The following CLSTN2 variants were observed in gnomAD, a reference collection of about 807,000 sequenced individuals.
CLSTN2 encodes the protein calsyntenin 2.
In CLSTN2, 48 loss-of-function variants were observed where a neutral mutation model predicts 101.2. The ratio of observed to expected loss-of-function variants is 0.47; its 90% CI spans 0.38 to 0.60. The LOEUF (loss-of-function observed/expected upper bound fraction) is 0.60, where lower values mean the gene tolerates loss of function less well. Ranked by LOEUF, CLSTN2 falls within the 20% of genes least tolerant of loss-of-function variation. CLSTN2 has a pLI of 0.00. For missense variants in CLSTN2, 1,160 were observed against 1,238.2 expected, an observed-to-expected ratio of 0.94 and a Z score of 0.95; for synonymous variants, 481 against 463.6, an observed-to-expected ratio of 1.04 and a Z score of -0.48.
At chr3:140,415,486 CAAA>C (rs751616049) in intron 4 of CLSTN2, among the ~76,000 whole-genome samples, 5 of 56,874 alleles carry the variant, frequency 8.8e-5, no homozygotes, top group East Asian at 6.3e-4. Flanking sequence ...CACAAAATAG[CAAA>C]AAAAAAAAAA....
intron 8 of CLSTN2, among the ~76,000 whole-genome samples, chr3:140,469,510 C>T (rs1408320697): frequency 1.3e-5 from 2 of 152,134 alleles, no homozygotes; most frequent in Non-Finnish European, 2.9e-5. Context: ...AATGTGCATA[C>T]CTAGTAAGGT....
At chr3:140,414,579 G>A (rs945948931) in intron 4 of CLSTN2, among the ~76,000 whole-genome samples, 4 of 151,964 alleles carry the variant, frequency 2.6e-5, no homozygotes, top group Non-Finnish European at 5.9e-5. Context: ...AAAAGGATGA[G>A]AAGTGGGAAG....
intron 2 of CLSTN2, among the ~76,000 whole-genome samples, chr3:140,232,916 C>T (rs2086383512): frequency 6.6e-6 from 1 of 152,146 alleles, no homozygotes; most frequent in Admixed American, 6.5e-5. Context: ...CTGCCAGAGC[C>T]TGCTGACTGA....
intron 5 of CLSTN2, among the ~76,000 whole-genome samples, chr3:140,442,304 C>A (rs1308282552): frequency 2.6e-5 from 4 of 152,176 alleles, no homozygotes; most frequent in African/African-American, 9.7e-5. Context: ...CTAATCACCC[C>A]AGGGTCAGGT....
At chr3:140,318,088 A>T (rs1346265671) in intron 2 of CLSTN2, among the ~76,000 whole-genome samples, 1 of 152,220 alleles carries the variant, frequency 6.6e-6, no homozygotes. Context: ...TGACATGTCC[A>T]AAATAGCTCA....
At chr3:140,556,941 G>A (rs1193567909) in intron 11 of CLSTN2, 1 of 369,250 alleles carries the variant, frequency 2.7e-6, no homozygotes, top group African/African-American at 2.1e-5. Flanking sequence ...CAGAGAGCTA[G>A]GAATTTGAAG....
intron 2 of CLSTN2, among the ~76,000 whole-genome samples, chr3:140,381,987 G>T (rs1450632673): frequency 6.6e-6 from 1 of 152,148 alleles, no homozygotes; most frequent in African/African-American, 2.4e-5. Context: ...TCTATGTCCA[G>T]ATTCCCTTTC....
chr3:140,411,731 A>G (rs1045001782), intron 4 of CLSTN2, among the ~76,000 whole-genome samples: 2 of 152,250 alleles, frequency 1.3e-5, no homozygotes, highest in Non-Finnish European at 2.9e-5. Context: ...AGCAACCACC[A>G]GAAGCTCAGA....
At chr3:140,324,218 G>A (rs553914070) in intron 2 of CLSTN2, among the ~76,000 whole-genome samples, 26 of 152,202 alleles carry the variant, frequency 1.7e-4, no homozygotes, top group Non-Finnish European at 2.9e-4. Context: ...AAATTGTCAT[G>A]CTTAGCAATC....
intron 1 of CLSTN2, among the ~76,000 whole-genome samples, chr3:140,090,186 G>C (rs932164163): frequency 2.0e-5 from 3 of 150,734 alleles, no homozygotes; most frequent in Non-Finnish European, 4.4e-5. Context: ...CGGCTGAAGG[G>C]GGGTTATCTT....
chr3:140,528,164 G>A (rs1189316984), intron 8 of CLSTN2, among the ~76,000 whole-genome samples: 1 of 152,074 alleles, frequency 6.6e-6, no homozygotes, highest in Non-Finnish European at 1.5e-5. Context: ...TAGGGTTGTG[G>A]TGAAGATTAA....
intron 1 of CLSTN2, among the ~76,000 whole-genome samples, chr3:140,153,086 A>G (rs6791658): frequency 0.87 from 132,987 of 152,160 alleles, 58,316 homozygotes; most frequent in East Asian, 0.95. Flanking sequence ...ACAGTGTGGG[A>G]CTTGTTAAAC....
At chr3:139,968,438 A>C (rs943084386) in intron 1 of CLSTN2, among the ~76,000 whole-genome samples, 1 of 152,190 alleles carries the variant, frequency 6.6e-6, no homozygotes, top group Middle Eastern at 3.2e-3. Context: ...GATTAATGCC[A>C]CTATCAAAAG....
chr3:140,556,430 C>A, intron 10 of CLSTN2, 83 bp from the exon 11 acceptor site: 1 of 1,340,292 alleles, frequency 7.5e-7, no homozygotes, highest in Non-Finnish European at 1.1e-6. Flanking sequence ...ACCCTTGGTG[C>A]CCTGTATGGA....
intron 1 of CLSTN2, among the ~76,000 whole-genome samples, chr3:139,949,473 C>T (rs915585089): frequency 1.3e-5 from 2 of 152,216 alleles, no homozygotes; most frequent in South Asian, 2.1e-4. Context: ...AGGAAGGGCC[C>T]TACTGGTTAT....
intron 1 of CLSTN2, among the ~76,000 whole-genome samples, chr3:140,097,997 T>G (rs535243510): frequency 6.6e-6 from 1 of 152,250 alleles, no homozygotes; most frequent in African/African-American, 2.4e-5. Context: ...TATAAGACAT[T>G]GGACAGAGTA....
chr3:140,448,605 G>T lies in CLSTN2; in HGVS notation c.874G>T (p.Val292Leu), dbSNP rs1261844629. The stretch of plus-strand genomic sequence containing the variant: ...CCACCTGGAGACGTGCGATGGAGCC[G>T]TGTCTTCCCTCCAGATCGTCACAGA... The part of the protein sequence containing the change: ...SIHLETCDGA[V>L]SSLQIVTELQ... The change falls in exon 6 of 17, where the codon GTG becomes TTG. Residue 292 changes from valine (V) to leucine (L), a missense_variant. By Grantham distance (32) the Val-to-Leu change is conservative (BLOSUM62 1). Coordinates refer to ENST00000458420, the MANE Select transcript of CLSTN2 (RefSeq NM_022131.3). 1 of 1,614,102 alleles carries T rather than the reference G, an allele frequency of 6.2e-7. No homozygotes were observed.
At chr3:140,391,840 A>C (rs2107971020) in intron 2 of CLSTN2, among the ~76,000 whole-genome samples, 1 of 152,136 alleles carries the variant, frequency 6.6e-6, no homozygotes, top group South Asian at 2.1e-4. Flanking sequence ...AATGTTTTTA[A>C]ATTTTTAAAA....
At chr3:140,194,081 T>C (rs1373301969) in intron 2 of CLSTN2, among the ~76,000 whole-genome samples, 1 of 152,214 alleles carries the variant, frequency 6.6e-6, no homozygotes. Flanking sequence ...CATGTGTTTT[T>C]ATCATGGCTA....
Sources: gnomAD v4.1 joint callset for allele counts (sites outside exome capture counted in the v4.1 genomes callset) on GRCh38, gnomAD v4.1.1 for gene constraint, MANE v1.5 for transcripts, NCBI Gene and HGNC (gene_info 2026-07-23, HGNC 2026-07-21) for gene names.